The following TBC1D32 variants were observed in gnomAD, a reference collection of about 807,000 sequenced individuals.
The protein encoded by TBC1D32 is TBC1 domain family member 32.
TBC1D32 carries 151 observed loss-of-function variants against 170.3 expected under a neutral mutation model. That is an observed-to-expected ratio of 0.89 (90% CI 0.78 to 1.01). The LOEUF (loss-of-function observed/expected upper bound fraction) is 1.01, where lower values mean the gene tolerates loss of function less well. Ranked by LOEUF, TBC1D32 falls within the 50% of genes least tolerant of loss-of-function variation. TBC1D32 has a pLI of 0.00. For synonymous variants in TBC1D32, 498 were observed against 488.0 expected, an observed-to-expected ratio of 1.02 and a Z score of -0.27; for missense variants, 1,464 against 1,457.1, an observed-to-expected ratio of 1.00 and a Z score of -0.08.
intron 1 of TBC1D32, among the ~76,000 whole-genome samples, chr6:121,329,642 G>C (rs568525435): frequency 1.3e-5 from 2 of 151,352 alleles, no homozygotes; most frequent in African/African-American, 4.9e-5. Flanking sequence ...ACAAGAGTGA[G>C]ACATCGTCTC....
intron 22 of TBC1D32, among the ~76,000 whole-genome samples, chr6:121,175,549 T>G (rs943274174): frequency 6.6e-6 from 1 of 152,224 alleles, no homozygotes; most frequent in Non-Finnish European, 1.5e-5. Flanking sequence ...AAGTATCTCC[T>G]GATGTAATTT....
At position 121,080,610 on chromosome 6, in the gene TBC1D32, A is replaced by T; in HGVS notation, c.*161T>A. The T allele has an allele frequency of 2.3e-6, 2 of 864,094 alleles. No individual in the cohort carries two copies. The highest frequency in any genetic ancestry group is 3.3e-6 in the Non-Finnish European group (2 of 603,324). The allele number at this position is 864,094 out of a possible 1,614,324, so 53.5% of individuals were successfully genotyped here. On this transcript the variant is annotated 3_prime_UTR_variant, in exon 32 of 32. Transcript: ENST00000398212. ...AACAAATTTACAAAAATGAATTCAC[A>T]AATTGAGCTCATACCTACTTAAATA...
chr6:121,247,413 A>C (rs1157413319), intron 17 of TBC1D32, among the ~76,000 whole-genome samples: 2 of 145,900 alleles, frequency 1.4e-5, no homozygotes, highest in African/African-American at 5.4e-5. Context: ...TAACACAATG[A>C]AAAAAAAAAG....
At chr6:121,274,170 T>C (rs1801906795) in intron 15 of TBC1D32, among the ~76,000 whole-genome samples, 1 of 151,668 alleles carries the variant, frequency 6.6e-6, no homozygotes, top group South Asian at 2.1e-4. Flanking sequence ...CCATCTCTAC[T>C]AAAAATACAA....
At chr6:121,082,564 T>C (rs1361744738) in intron 31 of TBC1D32, among the ~76,000 whole-genome samples, 1 of 151,990 alleles carries the variant, frequency 6.6e-6, no homozygotes, top group African/African-American at 2.4e-5. Context: ...CAGGACATAT[T>C]ATTTTCAAAG....
intron 30 of TBC1D32, among the ~76,000 whole-genome samples, chr6:121,098,092 T>C (rs1279427003): frequency 2.6e-5 from 4 of 151,854 alleles, no homozygotes; most frequent in African/African-American, 7.3e-5. Context: ...AAATACCTAA[T>C]GTAGATGATG....
intron 24 of TBC1D32, among the ~76,000 whole-genome samples, chr6:121,148,136 G>C (rs896096174): frequency 6.6e-6 from 1 of 151,124 alleles, no homozygotes; most frequent in Admixed American, 6.6e-5. Flanking sequence ...CCCACCCCTT[G>C]CCTCCCAACC....
At chr6:121,290,280 A>C (rs1256095043) in intron 12 of TBC1D32, among the ~76,000 whole-genome samples, 2 of 152,246 alleles carry the variant, frequency 1.3e-5, no homozygotes. Context: ...CAGAATCCAC[A>C]ATGAACTCAA....
intron 28 of TBC1D32, 43 bp downstream of exon 28, chr6:121,113,019 G>T: frequency 7.1e-7 from 1 of 1,410,400 alleles, no homozygotes; most frequent in Admixed American, 2.0e-5. Flanking sequence ...TGAAAAATAT[G>T]TGAAAAAAAT....
intron 2 of TBC1D32, among the ~76,000 whole-genome samples, chr6:121,320,262 T>A (rs926748783): frequency 7.6e-5 from 11 of 145,512 alleles, no homozygotes; most frequent in Admixed American, 2.0e-4. Flanking sequence ...CAATGTAAAA[T>A]CTTTTATCCA....
chr6:121,243,526 G>A (rs531426632), intron 17 of TBC1D32, among the ~76,000 whole-genome samples: 21 of 152,114 alleles, frequency 1.4e-4, no homozygotes, highest in African/African-American at 5.1e-4. Context: ...ACCCTATAGT[G>A]AGAGATTATA....
chr6:121,303,851 T>G (rs775227863), intron 8 of TBC1D32, 90 bp from the exon 9 acceptor site: 33 of 894,146 alleles, frequency 3.7e-5, no homozygotes, highest in Non-Finnish European at 5.1e-5. Context: ...GCATATAATC[T>G]TCAGAAACAT....
intron 15 of TBC1D32, among the ~76,000 whole-genome samples, chr6:121,273,616 C>A (rs113661992): frequency 0.051 from 7,661 of 150,692 alleles, 359 homozygotes; most frequent in African/African-American, 0.12. Flanking sequence ...TGCACATGTA[C>A]CCTAGAACTT....
chr6:121,314,244 T>C (rs1336601002), intron 3 of TBC1D32, among the ~76,000 whole-genome samples: 1 of 152,200 alleles, frequency 6.6e-6, no homozygotes, highest in Admixed American at 6.5e-5. Flanking sequence ...GCACCTTCTC[T>C]GACACTGACT....
intron 27 of TBC1D32, 86 bp from the exon 28 acceptor site, chr6:121,113,263 T>C: frequency 2.6e-6 from 2 of 777,512 alleles, no homozygotes; most frequent in South Asian, 4.0e-5. Flanking sequence ...AACTATGTTA[T>C]ACAGAGCACT....
chr6:121,116,921 C>G (rs1033432696), intron 26 of TBC1D32, among the ~76,000 whole-genome samples: 7 of 152,124 alleles, frequency 4.6e-5, no homozygotes, highest in African/African-American at 1.7e-4. Flanking sequence ...AAAATTAACT[C>G]TGAACATTTC....
At chr6:121,136,162 T>C (rs76831385) in intron 24 of TBC1D32, among the ~76,000 whole-genome samples, 7,847 of 152,152 alleles carry the variant, frequency 0.052, 234 homozygotes, top group African/African-American at 0.08. Context: ...TTTTTAGGGA[T>C]TTAAAGAAAA....
intron 1 of TBC1D32, among the ~76,000 whole-genome samples, chr6:121,327,366 T>C (rs1193562360): frequency 1.3e-5 from 2 of 152,236 alleles, no homozygotes; most frequent in African/African-American, 4.8e-5. Flanking sequence ...CTGATAGTAT[T>C]GGTGCTATGT....
chr6:121,174,008 A>T (rs1435093702), intron 22 of TBC1D32, among the ~76,000 whole-genome samples: 2 of 152,176 alleles, frequency 1.3e-5, no homozygotes, highest in African/African-American at 4.8e-5. Flanking sequence ...TTTTCTATGA[A>T]TTAAACAAGT....
Sources: gnomAD v4.1 joint callset for allele counts (sites outside exome capture counted in the v4.1 genomes callset) on GRCh38, gnomAD v4.1.1 for gene constraint, MANE v1.5 for transcripts, NCBI Gene and HGNC (gene_info 2026-07-23, HGNC 2026-07-21) for gene names.